The following ANAPC10 variants were observed in gnomAD, a reference collection of about 807,000 sequenced individuals.
ANAPC10 encodes anaphase promoting complex subunit 10.
A neutral mutation model predicts 22.0 loss-of-function variants in ANAPC10; 12 were observed. That is an observed-to-expected ratio of 0.55 (90% CI 0.35 to 0.88). The LOEUF is 0.88. Ranked by LOEUF, ANAPC10 falls within the 40% of genes least tolerant of loss-of-function variation. The pLI is 0.01. For synonymous variants in ANAPC10, 65 were observed against 69.5 expected (o/e 0.94, Z 0.32); for missense variants, 188 against 220.9 (o/e 0.85, Z 0.94).
intron 4 of ANAPC10, among the ~76,000 whole-genome samples, chr4:145,058,352 A>T (rs1168405844): frequency 6.6e-6 from 1 of 152,152 alleles, no homozygotes; most frequent in Non-Finnish European, 1.5e-5. Flanking sequence ...TTTATCCTAA[A>T]CAGTCAGTTG....
intron 4 of ANAPC10, among the ~76,000 whole-genome samples, chr4:145,040,879 A>G (rs1186399140): frequency 6.6e-6 from 1 of 152,210 alleles, no homozygotes. Flanking sequence ...GAAGAAACTA[A>G]TTCAACTGGG....
intron 3 of ANAPC10, among the ~76,000 whole-genome samples, chr4:145,076,049 C>G (rs1745150193): frequency 6.6e-6 from 1 of 152,186 alleles, no homozygotes; most frequent in Non-Finnish European, 1.5e-5. Context: ...CTCAGATGAC[C>G]TACTGGGTGC....
chr4:145,075,846 A>C (rs373575263), intron 3 of ANAPC10, among the ~76,000 whole-genome samples: 2 of 152,268 alleles, frequency 1.3e-5, no homozygotes, highest in South Asian at 2.1e-4. Flanking sequence ...GCTACAGTGG[A>C]GCACAGCCAG....
At chr4:145,058,536 G>C (rs1482472138) in intron 4 of ANAPC10, among the ~76,000 whole-genome samples, 1 of 152,056 alleles carries the variant, frequency 6.6e-6, no homozygotes, top group African/African-American at 2.4e-5. Context: ...TGACTTTATT[G>C]TATCCCCAGT....
chr4:145,041,592 C>A (rs565216395), intron 4 of ANAPC10, among the ~76,000 whole-genome samples: 2 of 152,318 alleles, frequency 1.3e-5, no homozygotes, highest in South Asian at 4.2e-4. Flanking sequence ...GGTGCTTTCA[C>A]TTCCCCTTCT....
chr4:145,096,738 C>T (rs1416709262), intron 1 of ANAPC10, among the ~76,000 whole-genome samples: 1 of 151,582 alleles, frequency 6.6e-6, no homozygotes, highest in Non-Finnish European at 1.5e-5. Context: ...TTTTTAGAGA[C>T]AGGATCTAGC....
chr4:145,016,946 C>T (rs1400859112), intron 4 of ANAPC10, among the ~76,000 whole-genome samples: 2 of 152,164 alleles, frequency 1.3e-5, no homozygotes, highest in African/African-American at 4.8e-5. Flanking sequence ...GGATCCCTTC[C>T]TTACACCTTA....
At chr4:145,061,076 G>A (rs1303947120) in intron 4 of ANAPC10, among the ~76,000 whole-genome samples, 2 of 151,984 alleles carry the variant, frequency 1.3e-5, no homozygotes, top group Non-Finnish European at 2.9e-5. Flanking sequence ...AAGTTTTCCA[G>A]GAAAACAACT....
intron 2 of ANAPC10, 83 bp from the exon 3 acceptor site, chr4:145,081,833 G>T: frequency 1.0e-6 from 1 of 969,372 alleles, no homozygotes; most frequent in Non-Finnish European, 1.6e-6. Flanking sequence ...ATATGTATTT[G>T]TCCAGAAATT....
chr4:145,084,758 T>C (rs942016077), intron 2 of ANAPC10, among the ~76,000 whole-genome samples: 8 of 152,196 alleles, frequency 5.3e-5, no homozygotes, highest in African/African-American at 1.9e-4. Context: ...ACTTGAAATA[T>C]AGCAAGTCCA....
At chr4:145,048,479 G>A (rs1740644338) in intron 4 of ANAPC10, among the ~76,000 whole-genome samples, 1 of 152,130 alleles carries the variant, frequency 6.6e-6, no homozygotes, top group Non-Finnish European at 1.5e-5. Flanking sequence ...ACAGTATAGA[G>A]ATTCTTCTAC....
At chr4:145,097,394 C>G in intron 1 of ANAPC10, 1 of 950,204 alleles carries the variant, frequency 1.1e-6, no homozygotes. Flanking sequence ...CACTTCAATA[C>G]TGGATCGTGA....
chr4:145,077,147 C>T (rs529344240), intron 3 of ANAPC10, among the ~76,000 whole-genome samples: 86 of 151,804 alleles, frequency 5.7e-4, no homozygotes, highest in Non-Finnish European at 1.1e-3. Context: ...TGCAGTGAGC[C>T]GAGATCGTGC....
chr4:145,083,705 T>C (rs548201350), intron 2 of ANAPC10, among the ~76,000 whole-genome samples: 2 of 152,244 alleles, frequency 1.3e-5, no homozygotes, highest in African/African-American at 4.8e-5. Flanking sequence ...AATAGAATAA[T>C]TGCACTTTTA....
intron 4 of ANAPC10, among the ~76,000 whole-genome samples, chr4:145,014,024 G>A (rs1191728809): frequency 6.6e-6 from 1 of 152,140 alleles, no homozygotes; most frequent in Non-Finnish European, 1.5e-5. Flanking sequence ...ATGCCACAGG[G>A]AGAAGGAAGT....
At chr4:144,999,943 G>GA (rs1346880229) in intron 4 of ANAPC10, among the ~76,000 whole-genome samples, 1 of 152,146 alleles carries the variant, frequency 6.6e-6, no homozygotes, top group African/African-American at 2.4e-5. Context: ...ACAAAAACAA[G>GA]AAATGGGGAA....
rs1731375262 is a variant in ANAPC10 at position 144,994,757 on chromosome 4, T to C, written c.*616A>G. ...TTATACAGGCAATCTTTACATAATATCATTAGGATACAGACAACCCTAGGG... is the reference window on the plus strand; with the variant it reads ...TTATACAGGCAATCTTTACATAATACCATTAGGATACAGACAACCCTAGGG... On this transcript the variant is annotated 3_prime_UTR_variant, in exon 5 of 5. Transcript: ENST00000507656. 1 of 152,068 alleles carries C rather than the reference T, an allele frequency of 6.6e-6. No individual in the cohort carries two copies. 9.4% of individuals were successfully genotyped at this position (152,068 alleles called of 1,614,324 possible).
intron 2 of ANAPC10, among the ~76,000 whole-genome samples, chr4:145,094,936 A>G (rs1748270568): frequency 1.3e-5 from 2 of 152,232 alleles, no homozygotes; most frequent in Admixed American, 1.3e-4. Context: ...AGTAAAAGGA[A>G]AGTATTTTGG....
At chr4:145,058,885 A>G (rs999900374) in intron 4 of ANAPC10, among the ~76,000 whole-genome samples, 1 of 152,206 alleles carries the variant, frequency 6.6e-6, no homozygotes, top group Non-Finnish European at 1.5e-5. Context: ...AGAGAAGGTT[A>G]GAAGGTAACA....
Sources: allele counts gnomAD v4.1 joint callset (sites outside exome capture counted in the v4.1 genomes callset), GRCh38; gene constraint gnomAD v4.1.1; transcripts MANE v1.5; gene names NCBI Gene and HGNC (gene_info 2026-07-23, HGNC 2026-07-21).